The following DACH2 variants were observed in gnomAD, a reference collection of about 807,000 sequenced individuals.
DACH2 encodes dachshund family transcription factor 2.
DACH2 carries 17 observed loss-of-function variants against 35.8 expected under a neutral mutation model. The ratio of observed to expected loss-of-function variants is 0.48; its 90% CI spans 0.33 to 0.71. The LOEUF is 0.71. DACH2 is among the 30% of genes least tolerant of loss of function. DACH2 has a pLI of 0.02. For synonymous variants in DACH2, 195 were observed against 177.3 expected, an observed-to-expected ratio of 1.10 and a Z score of -0.79; for missense variants, 469 against 472.7, an observed-to-expected ratio of 0.99 and a Z score of 0.07.
intron 1 of DACH2, among the ~76,000 whole-genome samples, chrX:86,256,487 C>T (rs6623606): frequency 0.37 from 40,424 of 110,189 alleles, 5,928 homozygotes; most frequent in East Asian, 0.72. Context: ...TCAATGGTTC[C>T]ATAGGTCCCT....
In DACH2 at chrX:86,258,477, G is replaced by A. The variant is rs780720449; in HGVS notation, c.488+109369G>A. The stretch of plus-strand genomic sequence containing the variant: ...GGGTCATTTTGCCTCTCATCTGCAC[G>A]TGCAATATCAACTGAAATAAGTGAT... On this transcript the variant is annotated intron_variant, in intron 1 of 11. Transcript: ENST00000373125. Among the ~76,000 whole-genome samples the A allele has an allele frequency of 2.4e-3, 269 of 111,672 alleles. 1 individual carries two copies. Among genetic ancestry groups the A allele is most frequent in the Non-Finnish European group, 4.4e-3 (232 of 53,077 alleles).
At chrX:86,345,874 A>G (rs1392473298) in intron 1 of DACH2, among the ~76,000 whole-genome samples, 2 of 112,205 alleles carry the variant, frequency 1.8e-5, no homozygotes, top group Admixed American at 1.9e-4. Flanking sequence ...AAGAACAGGG[A>G]AAAATACTGC....
chrX:86,220,237 C>G (rs1350434445), intron 1 of DACH2, among the ~76,000 whole-genome samples: 1 of 108,988 alleles, frequency 9.2e-6, no homozygotes, highest in Non-Finnish European at 1.9e-5. Context: ...GTTTAGAACA[C>G]TTCACATGAT....
chrX:86,667,297 GGAAGGAAA>G (rs1241668913), intron 4 of DACH2, among the ~76,000 whole-genome samples: 1 of 52,358 alleles, frequency 1.9e-5, no homozygotes, highest in Admixed American at 2.8e-4. Context: ...AAGGAAGGAA[GGAAGGAAA>G]GAAGGAAGGA....
chrX:86,207,705 T>A (rs945011115), intron 1 of DACH2, among the ~76,000 whole-genome samples: 7 of 111,243 alleles, frequency 6.3e-5, no homozygotes, highest in Non-Finnish European at 1.3e-4. Flanking sequence ...ATAAACAGAC[T>A]GAGAAAGAGT....
intron 2 of DACH2, among the ~76,000 whole-genome samples, chrX:86,464,794 A>G (rs909911646): frequency 1.8e-5 from 2 of 112,435 alleles, no homozygotes; most frequent in African/African-American, 6.5e-5. Flanking sequence ...TGCTAAAAAC[A>G]GGAAGACTTA....
chrX:86,506,315 C>A (rs2038322725), intron 2 of DACH2, among the ~76,000 whole-genome samples: 3 of 112,063 alleles, frequency 2.7e-5, no homozygotes, highest in Admixed American at 9.5e-5. Flanking sequence ...TTACTAAAAT[C>A]ATTTGCATTC....
At chrX:86,419,371 C>A (rs1229712119) in intron 2 of DACH2, among the ~76,000 whole-genome samples, 1 of 112,155 alleles carries the variant, frequency 8.9e-6, no homozygotes, top group African/African-American at 3.2e-5. Context: ...TTCCACATGC[C>A]TGGGAGACCT....
intron 7 of DACH2, among the ~76,000 whole-genome samples, chrX:86,749,127 T>C (rs2041745006): frequency 8.9e-6 from 1 of 112,017 alleles, no homozygotes; most frequent in Non-Finnish European, 1.9e-5. Flanking sequence ...TGTTGTGACT[T>C]GTTTGATCTT....
intron 1 of DACH2, among the ~76,000 whole-genome samples, chrX:86,315,101 C>A (rs1602394377): frequency 8.9e-6 from 1 of 112,050 alleles, no homozygotes; most frequent in East Asian, 2.8e-4. Context: ...GACAGGCTGA[C>A]TCTTTTGTTA....
At chrX:86,301,561 C>A (rs951165657) in intron 1 of DACH2, among the ~76,000 whole-genome samples, 31 of 111,739 alleles carry the variant, frequency 2.8e-4, no homozygotes, top group African/African-American at 9.7e-4. Context: ...TGGTAACTGA[C>A]AGCTCATTTT....
Position 86,547,615 on chromosome X carries a change from T to C in DACH2, c.640+33224T>C, listed in dbSNP as rs764125566. 3.6e-5 allele frequency among the ~76,000 whole-genome samples: 4 copies of C among 110,473 alleles called. No individual in the cohort carries two copies. In the South Asian group the frequency reaches 1.2e-3, roughly 32 times the overall value. The stretch of plus-strand genomic sequence containing the variant: ...ACATTATAGAAATGATTCAATTTTA[T>C]TTGATTCAGAGTGTCACTTAAAGTG... On this transcript the variant is annotated intron_variant, in intron 3 of 11. Coordinates refer to ENST00000373125, the MANE Select transcript of DACH2 (RefSeq NM_053281.3).
intron 2 of DACH2, among the ~76,000 whole-genome samples, chrX:86,394,761 A>G (rs1039254741): frequency 1.3e-4 from 15 of 111,773 alleles, no homozygotes; most frequent in Non-Finnish European, 2.1e-4. Flanking sequence ...GATATAATAT[A>G]TAAAACATCA....
At chrX:86,240,186 C>T (rs779889453) in intron 1 of DACH2, among the ~76,000 whole-genome samples, 6 of 111,379 alleles carry the variant, frequency 5.4e-5, no homozygotes, top group Non-Finnish European at 9.4e-5. Context: ...AGTCCTGGAA[C>T]AGAAATCTTT....
intron 1 of DACH2, among the ~76,000 whole-genome samples, chrX:86,212,455 A>G (rs1468769277): frequency 9.0e-6 from 1 of 111,570 alleles, no homozygotes; most frequent in Non-Finnish European, 1.9e-5. Context: ...TTTAAATTGT[A>G]TTATAACATA....
intron 1 of DACH2, among the ~76,000 whole-genome samples, chrX:86,163,653 T>G (rs1200053594): frequency 9.0e-6 from 1 of 111,435 alleles, no homozygotes; most frequent in East Asian, 2.8e-4. Context: ...GTTCTCATCA[T>G]TTAGCTCCTA....
chrX:86,181,178 A>G (rs770589388), intron 1 of DACH2, among the ~76,000 whole-genome samples: 2 of 108,985 alleles, frequency 1.8e-5, no homozygotes, highest in East Asian at 2.9e-4. Context: ...CTATCTATCT[A>G]TCTATCTATC....
At chrX:86,341,307 C>T (rs1360592651) in intron 1 of DACH2, among the ~76,000 whole-genome samples, 1 of 111,592 alleles carries the variant, frequency 9.0e-6, no homozygotes, top group East Asian at 2.8e-4. Context: ...TTCTGAAAAT[C>T]CTAAGGCCCT....
intron 3 of DACH2, among the ~76,000 whole-genome samples, chrX:86,548,845 T>G (rs2148308909): frequency 8.9e-6 from 1 of 112,436 alleles, no homozygotes; most frequent in African/African-American, 3.2e-5. Flanking sequence ...TCTGCTTATT[T>G]CGTGATACAT....
Sources: allele counts gnomAD v4.1 joint callset (sites outside exome capture counted in the v4.1 genomes callset), GRCh38; gene constraint gnomAD v4.1.1; transcripts MANE v1.5; gene names NCBI Gene and HGNC (gene_info 2026-07-23, HGNC 2026-07-21).